Variants in PFKFB3 observed in about 807,000 individuals in gnomAD.
The protein encoded by PFKFB3 is 6-phosphofructo-2-kinase/fructose-2,6-biphosphatase 3, also known as 6-phosphofructo-2-kinase/fructose-2,6-bisphosphatase 3.
PFKFB3 carries 33 observed loss-of-function variants against 68.0 expected under a neutral mutation model. The ratio of observed to expected loss-of-function variants is 0.49; its 90% CI spans 0.37 to 0.65. PFKFB3 has a LOEUF of 0.65. Among genes scored for constraint, PFKFB3 ranks in the 30% least tolerant of loss-of-function variants. The pLI, the probability that PFKFB3 is intolerant of heterozygous loss-of-function variation, is 0.00. For missense variants in PFKFB3, 586 were observed against 712.2 expected (o/e 0.82, Z 2.02); for synonymous variants, 315 against 288.2 (o/e 1.09, Z -0.94).
intron 1 of PFKFB3, among the ~76,000 whole-genome samples, chr10:6,176,770 C>CT (rs1842486368): frequency 6.6e-6 from 1 of 152,196 alleles, no homozygotes; most frequent in South Asian, 2.1e-4. Context: ...CTGGCTGTCT[C>CT]TAACTTGTGA....
the PFKFB3 span, among the ~76,000 whole-genome samples, chr10:6,262,269 A>T: frequency 5.9e-5 from 9 of 151,836 alleles, no homozygotes; most frequent in East Asian, 1.8e-3. Flanking sequence ...CCTGGCTAAC[A>T]TGGTGAAACC....
At chr10:6,262,595 G>A in the PFKFB3 span, among the ~76,000 whole-genome samples, 3 of 151,252 alleles carry the variant, frequency 2.0e-5, no homozygotes, top group East Asian at 4.0e-4. Context: ...AAGGATATTT[G>A]TGTGTGTTAT....
upstream of PFKFB3, among the ~76,000 whole-genome samples, chr10:6,202,045 C>T (rs1200976307): frequency 6.6e-6 from 1 of 152,230 alleles, no homozygotes; most frequent in Non-Finnish European, 1.5e-5. Flanking sequence ...ATAGTTTTCC[C>T]TCGACTTAGG....
the PFKFB3 span, among the ~76,000 whole-genome samples, chr10:6,275,579 C>T: frequency 1.3e-5 from 2 of 152,208 alleles, no homozygotes; most frequent in Admixed American, 6.5e-5. The surrounding 1 kb of genome is among the most constrained non-coding windows in gnomAD (Gnocchi z 4.9). Flanking sequence ...GTTCCCCACA[C>T]GCGTTCTTAT....
At chr10:6,177,438 C>CCCTT (rs1554842947) in intron 1 of PFKFB3, among the ~76,000 whole-genome samples, 10 of 86,718 alleles carry the variant, frequency 1.2e-4, no homozygotes, top group Non-Finnish European at 2.3e-4. Context: ...TCTTTTCTTT[C>CCCTT]TCTTTCTTTC....
In PFKFB3 at chr10:6,234,425, T is replaced by C. The variant is rs1323847451; in HGVS notation, c.*1483T>C. The C allele has an allele frequency of 6.6e-6, 1 of 152,346 alleles. No homozygotes were observed. The highest frequency in any genetic ancestry group is 1.5e-5 in the Non-Finnish European group (1 of 68,070). 9.4% of individuals were successfully genotyped at this position (152,346 alleles called of 1,614,324 possible). A position where few individuals can be genotyped will look rare whatever the true frequency, so the allele number is the denominator to read the frequency against. Reference sequence around the variant, plus strand: ...GAGCTTTTAAAGAATGCATGTTTTTTTCCTGGTTGGAATTGAGTAGGAACT... The same window carrying C: ...GAGCTTTTAAAGAATGCATGTTTTTCTCCTGGTTGGAATTGAGTAGGAACT... On this transcript the variant is annotated 3_prime_UTR_variant, in exon 15 of 15. Transcript: ENST00000379775.
rs1047746682 is a variant in PFKFB3, at chr10:6,214,331, T to G, written c.202+583T>G. Among the ~76,000 whole-genome samples the G allele has an allele frequency of 6.0e-5, 9 of 151,158 alleles. No individual in the cohort carries two copies. In the East Asian group the frequency reaches 1.8e-3, roughly 30 times the overall value. On this transcript the variant is annotated intron_variant, in intron 2 of 14. Coordinates refer to ENST00000379775, the MANE Select transcript of PFKFB3 (RefSeq NM_004566.4). ...TAATCTAATGCCTGATGATCTGAGGTGGAACAGTTTCATCCCAAAGCCGTA... is the reference window on the plus strand; with the variant it reads ...TAATCTAATGCCTGATGATCTGAGGGGGAACAGTTTCATCCCAAAGCCGTA...
Position 6,228,368 on chromosome 10 carries a change from G to C in PFKFB3, c.1515+2003G>C. ...AAGGAGGAGATGGGCGTAGGAGTAG[G>C]GAGGAGAGATTCCTGAATGTTTTTG... On this transcript the variant is annotated intron_variant, in intron 14 of 14. Coordinates refer to ENST00000379775, the MANE Select transcript of PFKFB3 (RefSeq NM_004566.4). The surrounding 1 kb of genome is among the most constrained non-coding windows in gnomAD (Gnocchi z 4.5). 1.2e-6 allele frequency: 1 copy of C among 819,422 alleles called. No homozygotes were observed. Among genetic ancestry groups the C allele is most frequent in the Admixed American group, 2.0e-5 (1 of 50,614 alleles). The allele number at this position is 819,422 out of a possible 1,614,324, so 50.8% of individuals were successfully genotyped here. A position where few individuals can be genotyped will look rare whatever the true frequency, so the allele number is the denominator to read the frequency against.
At chr10:6,281,117 C>A in the PFKFB3 span, among the ~76,000 whole-genome samples, 1 of 138,448 alleles carries the variant, frequency 7.2e-6, no homozygotes, top group African/African-American at 2.6e-5. Context: ...ATCCAGGTTG[C>A]CGTGAATGCC....
chr10:6,212,705 G>A (rs993920721), intron 1 of PFKFB3, among the ~76,000 whole-genome samples: 6 of 152,116 alleles, frequency 3.9e-5, no homozygotes, highest in African/African-American at 1.4e-4. Context: ...TTGCTATGTT[G>A]CCCAGGCTGG....
Position 6,220,513 on chromosome 10 carries a change from C to CCTTAGA in PFKFB3, c.624-144_624-139dup, listed in dbSNP as rs1429389918. 2.9e-6 allele frequency: 2 copies of CCTTAGA among 692,010 alleles called. No homozygotes were observed. The highest frequency in any genetic ancestry group is 5.0e-6 in the Non-Finnish European group (2 of 398,964). 42.9% of individuals were successfully genotyped at this position (692,010 alleles called of 1,614,324 possible). On this transcript the variant is annotated intron_variant, in intron 7 of 14. Transcript: ENST00000379775. This position sits in a 1 kb window ranked among gnomAD's most constrained non-coding sequence, Gnocchi z 4.1. ...AGTTGTCTTACGCATATGCTCTGCC[C>CCTTAGA]CTTAGAAGGATTCAGTCTGTGCCCT...
intron 1 of PFKFB3, among the ~76,000 whole-genome samples, chr10:6,156,129 A>ATGCGTGTGTGTGTG (rs1841779238): frequency 1.0e-5 from 1 of 96,860 alleles, no homozygotes; most frequent in South Asian, 3.3e-4. Context: ...GTACATATAT[A>ATGCGTGTGTGTGTG]TGTGTGTGTG....
downstream of PFKFB3, among the ~76,000 whole-genome samples, chr10:6,236,189 C>G (rs952673520): frequency 6.6e-6 from 1 of 152,240 alleles, no homozygotes; most frequent in Non-Finnish European, 1.5e-5. Context: ...CTGCCCTTCC[C>G]CATCTCCTGG....
At chr10:6,257,567 C>T (rs1846504461), downstream of PFKFB3, among the ~76,000 whole-genome samples, 1 of 152,018 alleles carries the variant, frequency 6.6e-6, no homozygotes, top group Admixed American at 6.6e-5. Context: ...TGTGCTAGCC[C>T]GTGTCCAGAA....
At chr10:6,308,757 CA>C in the PFKFB3 span, among the ~76,000 whole-genome samples, 1 of 152,196 alleles carries the variant, frequency 6.6e-6, no homozygotes, top group Non-Finnish European at 1.5e-5. Flanking sequence ...ATTAAATCAT[CA>C]CCATGCATCA....
At chr10:6,174,446 G>A (rs1257264004) in intron 1 of PFKFB3, among the ~76,000 whole-genome samples, 3 of 152,204 alleles carry the variant, frequency 2.0e-5, no homozygotes, top group Non-Finnish European at 2.9e-5. Flanking sequence ...GATGGGACGC[G>A]GGCATCAGCT....
At chr10:6,239,052 C>T (rs1312677376), downstream of PFKFB3, among the ~76,000 whole-genome samples, 1 of 152,060 alleles carries the variant, frequency 6.6e-6, no homozygotes, top group African/African-American at 2.4e-5. Context: ...GTCTTCATGG[C>T]GGAACAACTT....
At chr10:6,247,984 C>T (rs1846295550) in intron 14 of PFKFB3, among the ~76,000 whole-genome samples, 1 of 152,218 alleles carries the variant, frequency 6.6e-6, no homozygotes. Context: ...TCACACAGGT[C>T]ACCCTGGGTA....
chr10:6,281,829 A>T, the PFKFB3 span, among the ~76,000 whole-genome samples: 111 of 152,344 alleles, frequency 7.3e-4, 2 homozygotes, highest in Middle Eastern at 3.4e-3. Context: ...AAGAAGGCAG[A>T]TGCAGCAAAG....
Sources: gnomAD v4.1 joint callset for allele counts (sites outside exome capture counted in the v4.1 genomes callset) on GRCh38, gnomAD v4.1.1 for gene constraint, Gnocchi (gnomAD v3.1) non-coding constraint, MANE v1.5 for transcripts, NCBI Gene and HGNC (gene_info 2026-07-23, HGNC 2026-07-21) for gene names.